Variants in RARS1 observed in about 807,000 individuals in gnomAD.
The protein encoded by RARS1 is arginyl-tRNA synthetase 1.
In RARS1, 75 loss-of-function variants were observed where a neutral mutation model predicts 78.7. The ratio of observed to expected loss-of-function variants is 0.95; its 90% CI spans 0.79 to 1.15. The LOEUF is 1.15. Among genes scored for constraint, RARS1 ranks in the 50% most tolerant of loss-of-function variants. The probability of loss-of-function intolerance (pLI) is 0.00; values close to 1 mark genes in which losing one functional copy is unlikely to be tolerated. For synonymous variants in RARS1, 273 were observed against 268.2 expected (o/e 1.02, Z -0.18); for missense variants, 787 against 787.5 (o/e 1.00, Z 0.01).
In RARS1 at chr5:168,519,299, A is replaced by G. The variant is rs745791316; in HGVS notation, c.*109A>G. The G allele has an allele frequency of 2.6e-6, 2 of 773,504 alleles. No individual in the cohort carries two copies. The highest frequency in any genetic ancestry group is 4.2e-6 in the Non-Finnish European group (2 of 475,454). 47.9% of individuals were successfully genotyped at this position (773,504 alleles called of 1,614,324 possible). A position where few individuals can be genotyped will look rare whatever the true frequency, so the allele number is the denominator to read the frequency against. Reference sequence around the variant, plus strand: ...CATAAGTAAAGAAAATTTGTCAACCAGGCAAAATGTGGTTCTTTAACAGCT... The same window carrying G: ...CATAAGTAAAGAAAATTTGTCAACCGGGCAAAATGTGGTTCTTTAACAGCT... On this transcript the variant is annotated 3_prime_UTR_variant, in exon 15 of 15. Transcript: ENST00000231572.
chr5:168,488,329 T>C, intron 1 of RARS1: 1 of 376,750 alleles, frequency 2.7e-6, no homozygotes, highest in Non-Finnish European at 5.0e-6. Flanking sequence ...CGTTTCGCTA[T>C]GTTTGCCATG....
intron 9 of RARS1, among the ~76,000 whole-genome samples, chr5:168,503,990 A>G (rs1758381289): frequency 6.6e-6 from 1 of 151,270 alleles, no homozygotes; most frequent in Non-Finnish European, 1.5e-5. Context: ...GAGCCCAGGC[A>G]TTTGAGGTTA....
chr5:168,518,924 C>T (rs1758729280), intron 14 of RARS1, among the ~76,000 whole-genome samples, 157 bp from the exon 15 acceptor site: 1 of 152,172 alleles, frequency 6.6e-6, no homozygotes, highest in Admixed American at 6.5e-5. Context: ...TGTTTGTCTT[C>T]ATAGTTTAAG....
intron 2 of RARS1, among the ~76,000 whole-genome samples, chr5:168,491,946 CTTTTTT>C (rs149780336): frequency 4.9e-5 from 5 of 102,604 alleles, no homozygotes; most frequent in Admixed American, 2.3e-4. Flanking sequence ...TGTCATTCAC[CTTTTTT>C]TTTTTTTTTT....
At chr5:168,489,871 A>G (rs1408662220) in intron 2 of RARS1, among the ~76,000 whole-genome samples, 2 of 149,526 alleles carry the variant, frequency 1.3e-5, no homozygotes, top group South Asian at 4.2e-4. Context: ...CTGGATTGCA[A>G]TGGCACAATC....
rs755452119 is a variant in RARS1, at chr5:168,506,128, C to T, written c.1165C>T (p.Leu389=). ...AGGTTATACCTATGATACATCTGAC[C>T]TGGCTGCTATTAAACAAAGACTATT... The part of the protein sequence containing the change: ...DGGYTYDTSD[L]AAIKQRLFEE... The change falls in exon 10 of 15, where the codon CTG becomes TTG. Residue 389 remains leucine (L), a synonymous_variant. Coordinates refer to ENST00000231572, the MANE Select transcript of RARS1 (RefSeq NM_002887.4). The T allele has an allele frequency of 3.7e-5, 60 of 1,600,232 alleles. No individual in the cohort carries two copies. Among genetic ancestry groups the T allele is most frequent in the Non-Finnish European group, 4.9e-5 (58 of 1,172,476 alleles).
At chr5:168,516,533 C>T (rs76530903) in intron 12 of RARS1, among the ~76,000 whole-genome samples, 1,953 of 152,298 alleles carry the variant, frequency 0.013, 44 homozygotes, top group East Asian at 0.096. Context: ...TTCATGCTGA[C>T]ATTTTACATT....
chr5:168,499,110 G>A (rs1237643749), intron 7 of RARS1, among the ~76,000 whole-genome samples: 1 of 152,118 alleles, frequency 6.6e-6, no homozygotes, highest in Non-Finnish European at 1.5e-5. Flanking sequence ...TTGAGTCCAG[G>A]AGTTCAAGAC....
intron 6 of RARS1, chr5:168,496,983 C>G (rs1758206471): frequency 3.0e-6 from 1 of 335,048 alleles, no homozygotes; most frequent in Non-Finnish European, 5.3e-6. Context: ...TCAGCAAATT[C>G]TGGATGCCTG....
chr5:168,503,193 A>G lies in RARS1; in HGVS notation c.1057+1088A>G, dbSNP rs369210956. On this transcript the variant is annotated intron_variant, in intron 9 of 14. Coordinates refer to ENST00000231572, the MANE Select transcript of RARS1 (RefSeq NM_002887.4). The stretch of plus-strand genomic sequence containing the variant: ...AGTATCGTCAGCTGGATCTGTCCAT[A>G]AATTTCCCCATCAGACTTTTCCCTA... Among the ~76,000 whole-genome samples the G allele has an allele frequency of 1.6e-4, 25 of 152,332 alleles. No individual in the cohort carries two copies. In the East Asian group the frequency reaches 4.4e-3, roughly 27 times the overall value.
intron 5 of RARS1, 67 bp from the exon 6 acceptor site, chr5:168,495,248 T>G: frequency 2.6e-6 from 4 of 1,540,238 alleles, no homozygotes; most frequent in Non-Finnish European, 2.6e-6. Context: ...ATGCTCCTCT[T>G]AAAAAAATCT....
intron 9 of RARS1, among the ~76,000 whole-genome samples, chr5:168,502,688 C>T (rs921779469): frequency 2.6e-5 from 4 of 151,014 alleles, no homozygotes; most frequent in Non-Finnish European, 5.9e-5. Flanking sequence ...TCTCCTGCCT[C>T]AGCCTCCTAC....
In RARS1 at chr5:168,506,049, G is replaced by A; in HGVS notation, c.1086G>A (p.Lys362=). Residue 362 remains lysine, a synonymous_variant, in exon 10 of 15, where the codon AAG becomes AAA. Coordinates refer to ENST00000231572, the MANE Select transcript of RARS1 (RefSeq NM_002887.4). ...RGFVQVDDGR[K]IVFVPGCSIP... is the part of the protein sequence containing the mutation. ...TTGTGCAGGTGGATGATGGCAGAAAGATTGTATTTGTCCCAGGGTGTTCCA... is the reference window on the plus strand; with the variant it reads ...TTGTGCAGGTGGATGATGGCAGAAAAATTGTATTTGTCCCAGGGTGTTCCA... 1 of 1,605,272 alleles carries A rather than the reference G, an allele frequency of 6.2e-7. No homozygotes were observed. Among genetic ancestry groups the A allele is most frequent in the Non-Finnish European group, 8.5e-7 (1 of 1,176,918 alleles).
intron 5 of RARS1, chr5:168,495,106 C>A (rs1458794857): frequency 1.5e-5 from 12 of 811,838 alleles, no homozygotes; most frequent in Non-Finnish European, 2.0e-5. Context: ...GAATTTGATT[C>A]TTTTTCAGTT....
chr5:168,505,401 A>G (rs1464616097), intron 9 of RARS1, among the ~76,000 whole-genome samples: 1 of 152,150 alleles, frequency 6.6e-6, no homozygotes, highest in Non-Finnish European at 1.5e-5. Flanking sequence ...CTCATTCCAA[A>G]TGCCAAATCC....
intron 14 of RARS1, among the ~76,000 whole-genome samples, chr5:168,518,579 G>C (rs927144066): frequency 2.0e-5 from 3 of 152,086 alleles, no homozygotes; most frequent in South Asian, 4.1e-4. Flanking sequence ...GAATCTTTGG[G>C]TGTTTTTGAT....
At chr5:168,493,651 A>C (rs1248852637) in intron 3 of RARS1, among the ~76,000 whole-genome samples, 2 of 151,794 alleles carry the variant, frequency 1.3e-5, no homozygotes, top group African/African-American at 4.8e-5. Flanking sequence ...AAAAAAAAAA[A>C]AAATAGTTCC....
intron 12 of RARS1, among the ~76,000 whole-genome samples, chr5:168,512,942 T>A (rs1197787585): frequency 6.6e-6 from 1 of 152,252 alleles, no homozygotes; most frequent in Non-Finnish European, 1.5e-5. Flanking sequence ...TTATTTTAGC[T>A]TTTCTGGTGA....
At position 168,506,200 on chromosome 5, in the gene RARS1, G is replaced by C; in HGVS notation, c.1236+1G>C. On this transcript the variant is annotated splice_donor_variant, in intron 10 of 14. Coordinates refer to ENST00000231572, the MANE Select transcript of RARS1 (RefSeq NM_002887.4). LOFTEE classifies it high-confidence loss of function. The stretch of plus-strand genomic sequence containing the variant: ...TATCTATGTTGTGGACAATGGACAA[G>C]TGAGTTTGTAAATTTGTATGTGTTT... 6.4e-7 allele frequency: 1 copy of C among 1,552,538 alleles called. No individual in the cohort carries two copies. The highest frequency in any genetic ancestry group is 8.7e-7 in the Non-Finnish European group (1 of 1,144,926).
Sources: gnomAD v4.1 joint callset for allele counts (sites outside exome capture counted in the v4.1 genomes callset) on GRCh38, gnomAD v4.1.1 for gene constraint, MANE v1.5 for transcripts, NCBI Gene and HGNC (gene_info 2026-07-23, HGNC 2026-07-21) for gene names.